The following ZNF500 variants were observed in gnomAD, a reference collection of about 807,000 sequenced individuals.
ZNF500 encodes zinc finger protein with KRAB and SCAN domains 18.
Under a neutral mutation model 30.1 loss-of-function variants are expected in ZNF500, and 31 were observed. The ratio of observed to expected loss-of-function variants is 1.03; its 90% CI spans 0.77 to 1.39. The LOEUF is 1.39. ZNF500 is among the 40% of genes most tolerant of loss of function. The pLI, the probability that ZNF500 is intolerant of heterozygous loss-of-function variation, is 0.00. For missense variants in ZNF500, 817 were observed against 657.8 expected (o/e 1.24, Z -2.65); for synonymous variants, 392 against 282.0 (o/e 1.39, Z -3.91).
rs1000780291 is a variant in ZNF500 at position 4,750,573 on chromosome 16, C to T, written c.*1803G>A. ...GTGCGACCTCGGCTCACTGCAACCT[C>T]CGCCTCCCTGGTTCAAGTGATTCTC... On this transcript the variant is annotated 3_prime_UTR_variant, in exon 6 of 6. Transcript: ENST00000219478. The T allele has an allele frequency of 2.0e-5, 3 of 151,986 alleles. No individual in the cohort carries two copies. The highest frequency in any genetic ancestry group is 2.9e-5 in the Non-Finnish European group (2 of 68,058). The allele number at this position is 151,986 out of a possible 1,614,324, so 9.4% of individuals were successfully genotyped here.
At chr16:4,762,390 C>G in intron 3 of ZNF500, 55 bp from the exon 4 acceptor site, 1 of 1,548,808 alleles carries the variant, frequency 6.5e-7, no homozygotes, top group Non-Finnish European at 8.7e-7. Context: ...ACTGCCCCTG[C>G]CGTCCCCTGC....
downstream of ZNF500, chr16:4,745,081 G>A (rs1342585158): frequency 1.3e-5 from 20 of 1,547,986 alleles, no homozygotes; most frequent in African/African-American, 8.1e-5. Context: ...AGCACTGACT[G>A]GGCCTACCAA....
chr16:4,761,243 C>T (rs1376364307), intron 4 of ZNF500, among the ~76,000 whole-genome samples: 1 of 151,974 alleles, frequency 6.6e-6, no homozygotes, highest in East Asian at 1.9e-4. Flanking sequence ...TCCAGACCAG[C>T]CTGGCCAACA....
chr16:4,759,103 G>A (rs1192461945), intron 5 of ZNF500, among the ~76,000 whole-genome samples: 1 of 151,862 alleles, frequency 6.6e-6, no homozygotes, highest in African/African-American at 2.4e-5. Flanking sequence ...CAGCTACTTT[G>A]GGAGGCTGAG....
At position 4,760,568 on chromosome 16, in the gene ZNF500, G is replaced by C. The variant is rs189455064; in HGVS notation, c.684C>G (p.Asp228Glu). 1 of 1,613,282 alleles carries C rather than the reference G, an allele frequency of 6.2e-7. No individual in the cohort carries two copies. Among genetic ancestry groups the C allele is most frequent in the Non-Finnish European group, 8.5e-7 (1 of 1,179,640 alleles). ...AWSQVPVNLE[D>E]VAVYLSGEEP... ...CCTCCCCAGAAAGGTATACAGCCAC[G>C]TCCTCCAAGTTCACGGGCACCTGCC... The change falls in exon 5 of 6, where the codon GAC (aspartate) becomes GAG (glutamate). Residue 228 changes from aspartate to glutamate, a missense_variant. Coordinates refer to ENST00000219478, the MANE Select transcript of ZNF500 (RefSeq NM_021646.4).
chr16:4,761,605 G>C lies in ZNF500; in HGVS notation c.663+666C>G, dbSNP rs535088591. Among the ~76,000 whole-genome samples the C allele has an allele frequency of 3.3e-5, 5 of 151,512 alleles. No homozygotes were observed. In the South Asian group the frequency reaches 6.3e-4, roughly 19 times the overall value. ...TTATGCCTGTAATCCCAGTGCTTTG[G>C]GAGACTTAGGCAAGAGGATCACTTG... On this transcript the variant is annotated intron_variant, in intron 4 of 5. Transcript: ENST00000219478.
At position 4,749,658 on chromosome 16, in the gene ZNF500, C is replaced by G. The variant is rs531159239; in HGVS notation, c.*2718G>C. On this transcript the variant is annotated 3_prime_UTR_variant, in exon 6 of 6. Coordinates refer to ENST00000219478, the MANE Select transcript of ZNF500 (RefSeq NM_021646.4). ...AGAAACCCCATCTCTACTAAAAATA[C>G]AAAAATTAGCCAGGCGTAGTGGTGC... 5 of 152,312 alleles carry G rather than the reference C, an allele frequency of 3.3e-5. No homozygotes were observed. Among genetic ancestry groups the G allele is most frequent in the African/African-American group, 1.2e-4 (5 of 41,554 alleles). 9.4% of individuals were successfully genotyped at this position (152,312 alleles called of 1,614,324 possible).
intron 5 of ZNF500, chr16:4,758,490 C>T (rs2082162333): frequency 6.6e-6 from 1 of 152,238 alleles, no homozygotes; most frequent in South Asian, 2.1e-4. Flanking sequence ...GTAATGTGCG[C>T]TCAGAGATCT....
downstream of ZNF500, among the ~76,000 whole-genome samples, chr16:4,747,870 C>A (rs936990998): frequency 2.0e-5 from 3 of 152,102 alleles, no homozygotes; most frequent in African/African-American, 7.2e-5. Flanking sequence ...GATAAAGGGG[C>A]CTGGTCCTCT....
At chr16:4,764,605 C>A (rs893566337) in intron 2 of ZNF500, among the ~76,000 whole-genome samples, 1 of 151,858 alleles carries the variant, frequency 6.6e-6, no homozygotes, top group Non-Finnish European at 1.5e-5. Context: ...CACGGTGAAA[C>A]CCTGTCTCTA....
Position 4,750,426 on chromosome 16 carries a change from C to G in ZNF500, c.*1950G>C, listed in dbSNP as rs1055400169. 2 of 152,242 alleles carry G rather than the reference C, an allele frequency of 1.3e-5. No individual in the cohort carries two copies. Among genetic ancestry groups the G allele is most frequent in the African/African-American group, 4.8e-5 (2 of 41,434 alleles). The allele number at this position is 152,242 out of a possible 1,614,324, so 9.4% of individuals were successfully genotyped here. A position where few individuals can be genotyped will look rare whatever the true frequency, so the allele number is the denominator to read the frequency against. On this transcript the variant is annotated 3_prime_UTR_variant, in exon 6 of 6. Coordinates refer to ENST00000219478, the MANE Select transcript of ZNF500 (RefSeq NM_021646.4). The stretch of plus-strand genomic sequence containing the variant: ...CACTGCAGCCTCAACTTCCTGGGCT[C>G]AAGTGATCCTCCAGCCTCAGCCTCT...
chr16:4,762,618 G>C lies in ZNF500; in HGVS notation c.553C>G (p.Leu185Val), dbSNP rs780543381. 2 of 1,613,958 alleles carry C rather than the reference G, an allele frequency of 1.2e-6. No individual in the cohort carries two copies. The highest frequency in any genetic ancestry group is 1.7e-6 in the Non-Finnish European group (2 of 1,180,000). Residue 185 changes from leucine (L) to valine (V), a missense_variant, in exon 3 of 6, where the codon CTG (leucine) becomes GTG (valine). Leu to Val is a conservative substitution (Grantham distance 32, BLOSUM62 1). Coordinates refer to ENST00000219478, the MANE Select transcript of ZNF500 (RefSeq NM_021646.4). ...GGGCCCCTCTGTGGCCTGTGGCTCA[G>C]CTGGGCTGGGGGCTGCTGGCTGGAG... ...RFSSQQPPAQ[L>V]SHRPQRGPLL...
At chr16:4,746,244 A>T, downstream of ZNF500, 1 of 987,168 alleles carries the variant, frequency 1.0e-6, no homozygotes, top group Non-Finnish European at 1.5e-6. Context: ...AAATGTGTTT[A>T]ATGTGCCCGT....
At chr16:4,747,664 G>A (rs113245451), downstream of ZNF500, 42 of 1,565,650 alleles carry the variant, frequency 2.7e-5, no homozygotes, top group Admixed American at 2.7e-4. Context: ...GGGCAGGGGC[G>A]GGCTGACTTG....
At position 4,765,103 on chromosome 16, in the gene ZNF500, C is replaced by A. The variant is rs891339134; in HGVS notation, c.414+462G>T. On this transcript the variant is annotated intron_variant, in intron 2 of 5. Coordinates refer to ENST00000219478, the MANE Select transcript of ZNF500 (RefSeq NM_021646.4). ...ATCACTTGAGGCCAGGAGTTCAAGA[C>A]CAGTCTGGGCAACATAACGAAACCC... Among the ~76,000 whole-genome samples the A allele has an allele frequency of 4.6e-5, 7 of 152,232 alleles. No individual in the cohort carries two copies. In the South Asian group the frequency reaches 6.2e-4, roughly 14 times the overall value.
At chr16:4,762,990 C>CTTA in intron 2 of ZNF500, 1 of 985,444 alleles carries the variant, frequency 1.0e-6, no homozygotes, top group Non-Finnish European at 1.2e-6. Context: ...CACATTCTTA[C>CTTA]CCTCTATTCC....
Position 4,752,682 on chromosome 16 carries a change from C to T in ZNF500, c.1137G>A (p.Lys379=), listed in dbSNP as rs757009197. 3.7e-6 allele frequency: 6 copies of T among 1,614,056 alleles called. No homozygotes were observed. The highest frequency in any genetic ancestry group is 5.1e-6 in the Non-Finnish European group (6 of 1,179,988). ...STHQRVHTGE[K]PYPCPECGKR... is the part of the protein sequence containing the mutation. Reference sequence around the variant, plus strand: ...TCCCACACTCGGGGCACGGGTAGGGCTTCTCGCCTGTGTGCACCCTCTGGT... The same window carrying T: ...TCCCACACTCGGGGCACGGGTAGGGTTTCTCGCCTGTGTGCACCCTCTGGT... The change falls in exon 6 of 6, where the codon AAG becomes AAA. Residue 379 remains lysine (K), a synonymous_variant. Coordinates refer to ENST00000219478, the MANE Select transcript of ZNF500 (RefSeq NM_021646.4).
chr16:4,747,189 G>A (rs534634241), downstream of ZNF500: 37 of 1,217,020 alleles, frequency 3.0e-5, no homozygotes, highest in Admixed American at 4.7e-5. Context: ...ACGTCCACTG[G>A]GTCCCAGCAG....
Position 4,765,996 on chromosome 16 carries a change from G to C in ZNF500, c.-18C>G. 2 of 1,531,864 alleles carry C rather than the reference G, an allele frequency of 1.3e-6. No individual in the cohort carries two copies. The highest frequency in any genetic ancestry group is 1.7e-6 in the Non-Finnish European group (2 of 1,145,852). 94.9% of individuals were successfully genotyped at this position (1,531,864 alleles called of 1,614,324 possible). A position where few individuals can be genotyped will look rare whatever the true frequency, so the allele number is the denominator to read the frequency against. On this transcript the variant is annotated 5_prime_UTR_variant, in exon 2 of 6. Transcript: ENST00000219478. ...GTGGCCATTGCTTCCGGTGGGCCTT[G>C]TTCCTTTTCAGGCCTTAGAGTTGAA... is the stretch of plus-strand genomic sequence containing the variant.
Sources: allele counts gnomAD v4.1 joint callset (sites outside exome capture counted in the v4.1 genomes callset), GRCh38; gene constraint gnomAD v4.1.1; transcripts MANE v1.5; gene names NCBI Gene and HGNC (gene_info 2026-07-23, HGNC 2026-07-21).